Variants in MAP4K3 observed in about 807,000 individuals in gnomAD.
MAP4K3 encodes the protein mitogen-activated protein kinase kinase kinase kinase 3.
A neutral mutation model predicts 143.5 loss-of-function variants in MAP4K3; 94 were observed. The ratio of observed to expected loss-of-function variants is 0.65; its 90% CI spans 0.55 to 0.78. The LOEUF is 0.78. Ranked by LOEUF, MAP4K3 falls within the 30% of genes least tolerant of loss-of-function variation. The pLI, the probability that MAP4K3 is intolerant of heterozygous loss-of-function variation, is 0.00. For synonymous variants in MAP4K3, 416 were observed against 347.2 expected (o/e 1.20, Z -2.20); for missense variants, 1,077 against 1,068.1 (o/e 1.01, Z -0.12).
chr2:39,268,657 T>TTTTTTTG (rs1680881899), intron 26 of MAP4K3, among the ~76,000 whole-genome samples: 1 of 142,260 alleles, frequency 7.0e-6, no homozygotes. Flanking sequence ...TTTTTTTTTT[T>TTTTTTTG]GAGACGGAGT....
chr2:39,302,644 T>C (rs376283626), intron 15 of MAP4K3, among the ~76,000 whole-genome samples: 1 of 152,200 alleles, frequency 6.6e-6, no homozygotes, highest in Admixed American at 6.5e-5. Context: ...TATCCCAAGA[T>C]GATGGTATCT....
intron 2 of MAP4K3, among the ~76,000 whole-genome samples, chr2:39,359,357 T>A (rs1223347467): frequency 6.6e-6 from 1 of 152,220 alleles, no homozygotes; most frequent in Non-Finnish European, 1.5e-5. Flanking sequence ...AGAGGTGGAC[T>A]CCCATGGCCT....
At chr2:39,401,325 G>C (rs1572491121) in intron 1 of MAP4K3, among the ~76,000 whole-genome samples, 1 of 152,140 alleles carries the variant, frequency 6.6e-6, no homozygotes, top group South Asian at 2.1e-4. Flanking sequence ...AAGGAAGAGA[G>C]AGAACAATTA....
Position 39,288,169 on chromosome 2 carries a change from G to C in MAP4K3, c.1426C>G (p.Pro476Ala), listed in dbSNP as rs748768051. ...GGTAATCTGGGAGGTGGTGGTCTAG[G>C]TGGAACTTGGGATGGCTTTGCTGGG... ...GSPAKPSQVP[P>A]RPPPPRLPPH... The change falls in exon 20 of 34, where the codon CCT becomes GCT. Residue 476 changes from proline (P) to alanine (A), a missense_variant. Physicochemically the swap from Pro to Ala is conservative, Grantham distance 27. Coordinates refer to ENST00000263881, the MANE Select transcript of MAP4K3 (RefSeq NM_003618.4). The C allele has an allele frequency of 6.2e-7, 1 of 1,614,144 alleles. No homozygotes were observed.
chr2:39,342,937 C>A (rs1490766047), intron 4 of MAP4K3, among the ~76,000 whole-genome samples: 1 of 152,140 alleles, frequency 6.6e-6, no homozygotes, highest in Non-Finnish European at 1.5e-5. Flanking sequence ...CTTGAAATCC[C>A]AGTGAAAAAT....
intron 1 of MAP4K3, among the ~76,000 whole-genome samples, chr2:39,393,416 A>T (rs1666720542): frequency 6.6e-6 from 1 of 152,258 alleles, no homozygotes; most frequent in African/African-American, 2.4e-5. Flanking sequence ...CAAACGTATC[A>T]GTCATAAAAC....
At chr2:39,373,199 C>G (rs1021161435) in intron 2 of MAP4K3, among the ~76,000 whole-genome samples, 12 of 152,208 alleles carry the variant, frequency 7.9e-5, no homozygotes, top group African/African-American at 2.9e-4. Flanking sequence ...CTCAACATCA[C>G]TGATCATCAG....
At chr2:39,265,892 TAAACCAGAAGAAGTAAAGTAA>T (rs1680743747) in intron 27 of MAP4K3, among the ~76,000 whole-genome samples, 5 of 151,988 alleles carry the variant, frequency 3.3e-5, no homozygotes, top group African/African-American at 1.2e-4. Flanking sequence ...CTTCTGGTTA[TAAACCAGAAGAAGTAAAGTAA>T]ATATATGTGA....
chr2:39,286,437 G>T (rs1355143232), intron 21 of MAP4K3, among the ~76,000 whole-genome samples: 1 of 152,100 alleles, frequency 6.6e-6, no homozygotes, highest in Non-Finnish European at 1.5e-5. Context: ...TTTGTCCTGG[G>T]GTAGAAGCTA....
At chr2:39,257,648 A>C (rs1268193833) in intron 31 of MAP4K3, among the ~76,000 whole-genome samples, 10 of 151,564 alleles carry the variant, frequency 6.6e-5, no homozygotes, top group African/African-American at 2.4e-4. Context: ...AAAATACAAA[A>C]ATCAGCCGGG....
chr2:39,297,422 G>A (rs1359819682), intron 16 of MAP4K3, among the ~76,000 whole-genome samples: 1 of 151,956 alleles, frequency 6.6e-6, no homozygotes, highest in Non-Finnish European at 1.5e-5. Context: ...CCGGCCTAGT[G>A]TTTTCTTTTA....
intron 31 of MAP4K3, among the ~76,000 whole-genome samples, chr2:39,256,586 TG>T (rs1455766108): frequency 3.9e-5 from 6 of 152,248 alleles, no homozygotes; most frequent in Non-Finnish European, 5.9e-5. Context: ...CTTGCTTTCC[TG>T]GGATAGTTTA....
At chr2:39,258,805 C>T (rs185690447) in intron 29 of MAP4K3, among the ~76,000 whole-genome samples, 1 of 152,316 alleles carries the variant, frequency 6.6e-6, no homozygotes, top group East Asian at 1.9e-4. Flanking sequence ...GTTGTCAATA[C>T]TACTGGCAAT....
intron 22 of MAP4K3, among the ~76,000 whole-genome samples, chr2:39,280,998 A>G (rs1182424664): frequency 6.6e-6 from 1 of 152,218 alleles, no homozygotes; most frequent in Non-Finnish European, 1.5e-5. Context: ...ATAATGAAAT[A>G]TATCACCCAT....
intron 16 of MAP4K3, among the ~76,000 whole-genome samples, chr2:39,295,246 C>T (rs1682223324): frequency 6.6e-6 from 1 of 151,860 alleles, no homozygotes; most frequent in Non-Finnish European, 1.5e-5. Context: ...TTTAAGAAAC[C>T]ACTGTGAAGA....
At chr2:39,425,294 G>GA (rs200486518) in intron 1 of MAP4K3, among the ~76,000 whole-genome samples, 2,180 of 152,210 alleles carry the variant, frequency 0.014, 50 homozygotes, top group African/African-American at 0.048. Context: ...AAAGCACTAA[G>GA]AACAATTAAG....
chr2:39,311,226 C>A (rs544497533), intron 13 of MAP4K3, among the ~76,000 whole-genome samples: 1 of 152,108 alleles, frequency 6.6e-6, no homozygotes, highest in Non-Finnish European at 1.5e-5. Context: ...TACAGGTGCG[C>A]GCCACTATAC....
intron 1 of MAP4K3, among the ~76,000 whole-genome samples, chr2:39,421,630 TAAATA>T (rs1667550600): frequency 1.3e-5 from 2 of 152,314 alleles, no homozygotes; most frequent in African/African-American, 4.8e-5. Flanking sequence ...ATAAAGCACT[TAAATA>T]AAATAAGGCC....
intron 1 of MAP4K3, among the ~76,000 whole-genome samples, chr2:39,415,745 A>G (rs1292014734): frequency 1.3e-5 from 2 of 151,236 alleles, no homozygotes; most frequent in Admixed American, 6.6e-5. Flanking sequence ...TGAGGTCAGG[A>G]GTTCGAGACC....
Sources: allele counts gnomAD v4.1 joint callset (sites outside exome capture counted in the v4.1 genomes callset), GRCh38; gene constraint gnomAD v4.1.1; transcripts MANE v1.5; gene names NCBI Gene and HGNC (gene_info 2026-07-23, HGNC 2026-07-21).